GPC6: variants seen among roughly 807,000 people sequenced by gnomAD.
GPC6 encodes glypican 6, also known as glypican-6.
Under a neutral mutation model 55.2 loss-of-function variants are expected in GPC6, and 14 were observed. The ratio of observed to expected loss-of-function variants is 0.25; its 90% CI spans 0.17 to 0.40. The LOEUF (loss-of-function observed/expected upper bound fraction) is 0.40. Among genes scored for constraint, GPC6 ranks in the 10% least tolerant of loss-of-function variants. The probability of loss-of-function intolerance (pLI) is 1.00; values close to 1 mark genes in which losing one functional copy is unlikely to be tolerated. For synonymous variants in GPC6, 278 were observed against 259.6 expected (o/e 1.07, Z -0.68); for missense variants, 641 against 708.5 (o/e 0.90, Z 1.08).
At chr13:94,352,871 A>T (rs1226277474) in intron 6 of GPC6, among the ~76,000 whole-genome samples, 1 of 152,204 alleles carries the variant, frequency 6.6e-6, no homozygotes, top group Admixed American at 6.5e-5. Flanking sequence ...TGGCTTAGCT[A>T]CTGGGGCATT....
chr13:93,789,563 A>T (rs1281802460), intron 2 of GPC6, among the ~76,000 whole-genome samples: 1 of 114,698 alleles, frequency 8.7e-6, no homozygotes, highest in African/African-American at 3.4e-5. Context: ...CTTAGTTAAT[A>T]ATATATATAT....
At position 94,202,222 on chromosome 13, in the gene GPC6, A is replaced by G. The variant is rs181934288; in HGVS notation, c.878-84127A>G. The stretch of plus-strand genomic sequence containing the variant: ...CCCACAGTCCTTTGCATGTTTTAGC[A>G]TATCAAGAACTAAATGAAATCATAT... On this transcript the variant is annotated intron_variant, in intron 4 of 8. Transcript: ENST00000377047. Among the ~76,000 whole-genome samples, 5 of 152,346 alleles carry G rather than the reference A, an allele frequency of 3.3e-5. No homozygotes were observed. The East Asian group carries it at 7.7e-4, about 24-fold the overall frequency.
chr13:93,326,518 G>A (rs181548379), intron 1 of GPC6, among the ~76,000 whole-genome samples: 140 of 152,290 alleles, frequency 9.2e-4, no homozygotes, highest in African/African-American at 3.2e-3. Flanking sequence ...ATCTTTGGGA[G>A]TAGAACCGTT....
chr13:93,918,435 G>T (rs1048975813), intron 3 of GPC6, among the ~76,000 whole-genome samples: 7 of 151,492 alleles, frequency 4.6e-5, no homozygotes, highest in Admixed American at 4.0e-4. Flanking sequence ...ACTCAAAGTC[G>T]CTGCTAGCAA....
Position 93,682,541 on chromosome 13 carries a change from T to C in GPC6, c.319+137120T>C, listed in dbSNP as rs182192515. ...AGGGTGTAAGCGGCATTCCACAGCA[T>C]CCTCTGCACTCGCAGCTCCATATGT... On this transcript the variant is annotated intron_variant, in intron 2 of 8. Transcript: ENST00000377047. 4.8e-4 allele frequency among the ~76,000 whole-genome samples: 73 copies of C among 152,198 alleles called. 1 individual carries two copies. The highest frequency in any genetic ancestry group is 4.2e-3 in the Admixed American group (64 of 15,272).
chr13:94,155,707 AC>A (rs1887907928), intron 4 of GPC6, among the ~76,000 whole-genome samples: 1 of 152,128 alleles, frequency 6.6e-6, no homozygotes, highest in Non-Finnish European at 1.5e-5. Flanking sequence ...TAACCATGCC[AC>A]TTCCCTGCTT....
At chr13:93,994,049 C>G (rs764766692) in intron 3 of GPC6, among the ~76,000 whole-genome samples, 1 of 152,062 alleles carries the variant, frequency 6.6e-6, no homozygotes, top group Admixed American at 6.6e-5. Context: ...AAAATACTTA[C>G]GTTTATTACA....
chr13:94,227,154 C>T (rs2139008558), intron 4 of GPC6, among the ~76,000 whole-genome samples: 1 of 152,280 alleles, frequency 6.6e-6, no homozygotes, highest in Non-Finnish European at 1.5e-5. Flanking sequence ...TCATGTGATA[C>T]TCACATCTGC....
chr13:93,520,675 G>A (rs953779994), intron 1 of GPC6, among the ~76,000 whole-genome samples: 1 of 151,902 alleles, frequency 6.6e-6, no homozygotes, highest in Non-Finnish European at 1.5e-5. Flanking sequence ...GTGATTTTCT[G>A]TGAATAGCAT....
intron 2 of GPC6, among the ~76,000 whole-genome samples, chr13:93,783,387 A>T (rs1369277898): frequency 2.4e-5 from 2 of 84,072 alleles, no homozygotes; most frequent in Non-Finnish European, 4.6e-5. Flanking sequence ...ATCATTGAGG[A>T]ATCACCACAC....
intron 1 of GPC6, among the ~76,000 whole-genome samples, chr13:93,348,197 C>G (rs554785166): frequency 2.9e-4 from 44 of 152,262 alleles, no homozygotes; most frequent in Admixed American, 9.2e-4. Flanking sequence ...CATGTAGGTA[C>G]TAATTGGGCA....
At position 94,316,182 on chromosome 13, in the gene GPC6, A is replaced by T. The variant is rs189439843; in HGVS notation, c.1152+10059A>T. ...TGAAAGAACTAACTTAAAAAAAAAA[A>T]TTTAGAATCCTAGGAGAAATCTAAG... On this transcript the variant is annotated intron_variant, in intron 6 of 8. Coordinates refer to ENST00000377047, the MANE Select transcript of GPC6 (RefSeq NM_005708.5). Among the ~76,000 whole-genome samples, 1,408 of 152,264 alleles carry T rather than the reference A, an allele frequency of 9.2e-3. 20 individuals are homozygous for T. The highest frequency in any genetic ancestry group is 0.033 in the African/African-American group (1,355 of 41,546).
intron 2 of GPC6, among the ~76,000 whole-genome samples, chr13:93,704,756 T>C (rs1340188738): frequency 6.6e-6 from 1 of 151,962 alleles, no homozygotes; most frequent in Non-Finnish European, 1.5e-5. Context: ...TGAGCCGACT[T>C]GCAGAGAAAC....
chr13:93,959,762 A>T (rs1035647299), intron 3 of GPC6, among the ~76,000 whole-genome samples: 2 of 152,144 alleles, frequency 1.3e-5, no homozygotes, highest in Non-Finnish European at 2.9e-5. Context: ...TAATTATTTT[A>T]TAGGTATTAA....
intron 1 of GPC6, among the ~76,000 whole-genome samples, chr13:93,502,359 A>G (rs975399206): frequency 6.6e-6 from 1 of 152,278 alleles, no homozygotes; most frequent in Non-Finnish European, 1.5e-5. Flanking sequence ...TACTTTGTAA[A>G]TAACAATATT....
intron 4 of GPC6, among the ~76,000 whole-genome samples, chr13:94,137,433 A>G (rs936621624): frequency 2.0e-5 from 3 of 152,146 alleles, no homozygotes; most frequent in Non-Finnish European, 4.4e-5. Context: ...GCAGAGTGCA[A>G]TGAGGATATA....
chr13:93,721,444 T>C (rs1042916377), intron 2 of GPC6, among the ~76,000 whole-genome samples: 3 of 151,884 alleles, frequency 2.0e-5, no homozygotes, highest in African/African-American at 7.2e-5. Flanking sequence ...AGAATTTTGA[T>C]TACTTCAGAC....
chr13:93,447,218 T>G (rs531941420), intron 1 of GPC6, among the ~76,000 whole-genome samples: 3 of 152,218 alleles, frequency 2.0e-5, no homozygotes, highest in African/African-American at 7.2e-5. Context: ...CAGTATAAAG[T>G]TGAGAATTTG....
chr13:93,456,226 A>G (rs1218950530), intron 1 of GPC6, among the ~76,000 whole-genome samples: 2 of 152,182 alleles, frequency 1.3e-5, no homozygotes, highest in African/African-American at 2.4e-5. Context: ...CAGCATTCAT[A>G]ATTAAGAGAC....
Sources: gnomAD v4.1 joint callset for allele counts (sites outside exome capture counted in the v4.1 genomes callset) on GRCh38, gnomAD v4.1.1 for gene constraint, MANE v1.5 for transcripts, NCBI Gene and HGNC (gene_info 2026-07-23, HGNC 2026-07-21) for gene names.